The following CNTNAP2 variants were observed in gnomAD, a reference collection of about 807,000 sequenced individuals.
CNTNAP2 encodes the protein contactin associated protein 2.
A neutral mutation model predicts 155.2 loss-of-function variants in CNTNAP2; 98 were observed. The observed-to-expected ratio is 0.63, with a 90% CI of 0.54 to 0.75. The LOEUF (loss-of-function observed/expected upper bound fraction) is 0.75, where lower values mean the gene tolerates loss of function less well. CNTNAP2 is among the 30% of genes least tolerant of loss of function. CNTNAP2 has a pLI of 0.00. For synonymous variants in CNTNAP2, 651 were observed against 631.2 expected, an observed-to-expected ratio of 1.03 and a Z score of -0.47; for missense variants, 1,727 against 1,688.1, an observed-to-expected ratio of 1.02 and a Z score of -0.40.
chr7:147,793,941 C>A (rs952441396), intron 13 of CNTNAP2, among the ~76,000 whole-genome samples: 1 of 151,776 alleles, frequency 6.6e-6, no homozygotes, highest in South Asian at 2.1e-4. Context: ...ATGGAATTTT[C>A]TCTTAGTTTT....
chr7:148,099,911 C>T (rs1182721716), intron 15 of CNTNAP2, among the ~76,000 whole-genome samples: 2 of 121,186 alleles, frequency 1.7e-5, no homozygotes, highest in Non-Finnish European at 3.2e-5. Flanking sequence ...CTCACTCTGT[C>T]ACCCAGACTT....
intron 8 of CNTNAP2, among the ~76,000 whole-genome samples, chr7:147,169,072 T>C (rs1468749938): frequency 6.6e-6 from 1 of 152,088 alleles, no homozygotes; most frequent in Non-Finnish European, 1.5e-5. Flanking sequence ...TCATGAACAC[T>C]AATAAAATAA....
At chr7:148,005,192 G>A (rs1293405742) in intron 15 of CNTNAP2, among the ~76,000 whole-genome samples, 3 of 152,162 alleles carry the variant, frequency 2.0e-5, no homozygotes, top group East Asian at 3.9e-4. Context: ...GAGGGCACTC[G>A]TCTCGGTAGC....
At chr7:148,368,184 C>T (rs1162669260) in intron 21 of CNTNAP2, among the ~76,000 whole-genome samples, 5 of 152,184 alleles carry the variant, frequency 3.3e-5, no homozygotes, top group Non-Finnish European at 5.9e-5. Context: ...CTTTGAATAG[C>T]TCTGACAGTG....
In CNTNAP2 at chr7:146,280,352, ACTTT is replaced by A. The variant is rs546842869; in HGVS notation, c.97+163384_97+163387del. On this transcript the variant is annotated intron_variant, in intron 1 of 23. Transcript: ENST00000361727. ...GATACGAACTTTTATTTTCTTTCCT[ACTTT>A]CTTTTTTTCTATATTTCTTCCTCCC... Among the ~76,000 whole-genome samples the A allele has an allele frequency of 2.0e-5, 3 of 152,204 alleles. No homozygotes were observed. In the South Asian group the frequency reaches 6.2e-4, roughly 32 times the overall value.
At chr7:148,022,480 A>AAAAAAAAAAAAAGAAAAG (rs1554463127) in intron 15 of CNTNAP2, among the ~76,000 whole-genome samples, 2 of 138,288 alleles carry the variant, frequency 1.4e-5, no homozygotes, top group Non-Finnish European at 3.1e-5. Flanking sequence ...AAAAAAAAAA[A>AAAAAAAAAAAAAGAAAAG]AAAAGAAAAG....
rs961318481 is a variant in CNTNAP2, at chr7:147,485,918, G to C, written c.1671-17G>C. ...TTTGTTTGTTGGTTTATTTCTGTTT[G>C]TCTCTCTCTCTGACAGATGTGTGCC... On this transcript the variant is annotated splice_polypyrimidine_tract_variant and intron_variant, in intron 10 of 23. Coordinates refer to ENST00000361727, the MANE Select transcript of CNTNAP2 (RefSeq NM_014141.6). The C allele has an allele frequency of 6.2e-7, 1 of 1,610,762 alleles. No individual in the cohort carries two copies.
chr7:147,826,528 A>G (rs1584976434), intron 13 of CNTNAP2, among the ~76,000 whole-genome samples: 1 of 152,228 alleles, frequency 6.6e-6, no homozygotes, highest in East Asian at 1.9e-4. Context: ...GTAAAAAGCC[A>G]TAGCACATGC....
intron 2 of CNTNAP2, among the ~76,000 whole-genome samples, chr7:146,780,954 C>A (rs1009988408): frequency 1.3e-5 from 2 of 151,974 alleles, no homozygotes; most frequent in African/African-American, 4.8e-5. Flanking sequence ...CAGGGCCGGG[C>A]GCGGTGGCTC....
At chr7:148,281,256 A>T (rs1011502830) in intron 21 of CNTNAP2, among the ~76,000 whole-genome samples, 1 of 152,216 alleles carries the variant, frequency 6.6e-6, no homozygotes, top group Non-Finnish European at 1.5e-5. Context: ...GGAGCTAGAG[A>T]AAATGGGGTA....
intron 21 of CNTNAP2, among the ~76,000 whole-genome samples, chr7:148,324,794 CA>C (rs72157861): frequency 9.5e-6 from 1 of 105,820 alleles, no homozygotes; most frequent in Non-Finnish European, 1.9e-5. Context: ...GACTCCATCT[CA>C]AAAAAAAAAA....
At chr7:148,323,233 C>T (rs188498124) in intron 21 of CNTNAP2, among the ~76,000 whole-genome samples, 35 of 148,990 alleles carry the variant, frequency 2.3e-4, no homozygotes, top group African/African-American at 7.2e-4. Flanking sequence ...GACCCAGAAC[C>T]GACTGGCTTA....
In CNTNAP2 at chr7:147,061,985, AGGCGTGGT is replaced by A. The variant is rs1799686209; in HGVS notation, c.550+17936_550+17943del. ...CTACTAAAAATACAAAAATTTAGCC[AGGCGTGGT>A]GGCGGGCGCCTGTAGTCCCAGCTAC... is the stretch of plus-strand genomic sequence containing the variant. On this transcript the variant is annotated intron_variant, in intron 4 of 23. Coordinates refer to ENST00000361727, the MANE Select transcript of CNTNAP2 (RefSeq NM_014141.6). 2.6e-5 allele frequency among the ~76,000 whole-genome samples: 4 copies of A among 151,698 alleles called. No homozygotes were observed. In the South Asian group the frequency reaches 8.3e-4, roughly 32 times the overall value.
chr7:147,192,326 A>G (rs899098380), intron 8 of CNTNAP2, among the ~76,000 whole-genome samples: 2 of 107,886 alleles, frequency 1.9e-5, no homozygotes, highest in African/African-American at 3.1e-5. Context: ...CTTTTTTAAT[A>G]CCACTTCTTC....
intron 21 of CNTNAP2, among the ~76,000 whole-genome samples, chr7:148,379,777 C>T (rs1486430214): frequency 6.6e-6 from 1 of 152,150 alleles, no homozygotes. Flanking sequence ...TGAAAAGGAG[C>T]TCAAGCATGT....
chr7:146,851,650 C>CTGTGTGTG (rs71165041), intron 3 of CNTNAP2, among the ~76,000 whole-genome samples: 86 of 133,120 alleles, frequency 6.5e-4, no homozygotes, highest in East Asian at 4.2e-3. Context: ...CATCTTTCTT[C>CTGTGTGTG]TGTGTGTGTG....
At position 147,975,049 on chromosome 7, in the gene CNTNAP2, C is replaced by CATATAATACAATTTTTTGTATTAT. The variant is rs1563154363; in HGVS notation, c.2256-2813_2256-2812insATATAATACAATTTTTTGTATTAT. Among the ~76,000 whole-genome samples the CATATAATACAATTTTTTGTATTAT allele has an allele frequency of 5.2e-3, 782 of 150,620 alleles. 7 individuals carry two copies. Among genetic ancestry groups the CATATAATACAATTTTTTGTATTAT allele is most frequent in the African/African-American group, 0.019 (765 of 41,086 alleles). On this transcript the variant is annotated intron_variant, in intron 14 of 23. Coordinates refer to ENST00000361727, the MANE Select transcript of CNTNAP2 (RefSeq NM_014141.6). Reference sequence around the variant, plus strand: ...ACATATAATACAATTTTTTGTATTACGTATAATACAATTTTTTGTATTATG... The same window carrying CATATAATACAATTTTTTGTATTAT: ...ACATATAATACAATTTTTTGTATTACATATAATACAATTTTTTGTATTATGTATAATACAATTTTTTGTATTATG...
intron 11 of CNTNAP2, among the ~76,000 whole-genome samples, chr7:147,524,339 G>A (rs1328799365): frequency 4.6e-5 from 7 of 151,632 alleles, no homozygotes; most frequent in East Asian, 1.9e-4. Context: ...GCGGTGAGCC[G>A]AGATCACACC....
chr7:147,005,721 A>G (rs1404462231), intron 3 of CNTNAP2, among the ~76,000 whole-genome samples: 5 of 152,086 alleles, frequency 3.3e-5, no homozygotes, highest in Non-Finnish European at 7.4e-5. Flanking sequence ...TGATTTAGTT[A>G]TCCTTTTCTT....
Sources: allele counts gnomAD v4.1 joint callset (sites outside exome capture counted in the v4.1 genomes callset), GRCh38; gene constraint gnomAD v4.1.1; transcripts MANE v1.5; gene names NCBI Gene and HGNC (gene_info 2026-07-23, HGNC 2026-07-21).